KLHL2: variants seen among roughly 807,000 people sequenced by gnomAD.
KLHL2 encodes the protein kelch-like protein 2.
KLHL2 carries 15 observed loss-of-function variants against 75.8 expected under a neutral mutation model. That is an observed-to-expected ratio of 0.20 (90% CI 0.13 to 0.30). The LOEUF is 0.30. Among genes scored for constraint, KLHL2 ranks in the 10% least tolerant of loss-of-function variants. The pLI, the probability that KLHL2 is intolerant of heterozygous loss-of-function variation, is 1.00. For missense variants in KLHL2, 381 were observed against 741.0 expected (o/e 0.51, Z 5.64); for synonymous variants, 214 against 251.9 (o/e 0.85, Z 1.42).
At position 165,294,895 on chromosome 4, in the gene KLHL2, T is replaced by C. The variant is rs1338482814; in HGVS notation, c.654+427T>C. Among the ~76,000 whole-genome samples the C allele has an allele frequency of 2.6e-5, 4 of 152,128 alleles. No homozygotes were observed. The East Asian group carries it at 7.7e-4, about 29-fold the overall frequency. ...TCCTTGTCTTCTGAGTTGAAAGAGGTTACCTAGGATGGCGAAGTTTTGGTA... is the reference window on the plus strand; with the variant it reads ...TCCTTGTCTTCTGAGTTGAAAGAGGCTACCTAGGATGGCGAAGTTTTGGTA... On this transcript the variant is annotated intron_variant, in intron 6 of 14. Transcript: ENST00000226725.
intron 3 of KLHL2, 110 bp downstream of exon 3, chr4:165,229,023 A>G (rs1007438100): frequency 1.9e-5 from 12 of 629,276 alleles, no homozygotes; most frequent in South Asian, 1.8e-4. Flanking sequence ...ATGAAGAATT[A>G]TAGTGGAAGA....
chr4:165,254,256 A>G (rs572048170), intron 4 of KLHL2, among the ~76,000 whole-genome samples: 1 of 152,324 alleles, frequency 6.6e-6, no homozygotes, highest in Admixed American at 6.5e-5. Context: ...CAAATACTTT[A>G]GAAATGTTAG....
In KLHL2 at chr4:165,305,644, A is replaced by G. The variant is rs756368058; in HGVS notation, c.958A>G (p.Ile320Val). 32 of 1,613,944 alleles carry G rather than the reference A, an allele frequency of 2.0e-5. No individual in the cohort carries two copies. The highest frequency in any genetic ancestry group is 2.5e-5 in the Non-Finnish European group (30 of 1,179,958). The part of the protein sequence containing the change: ...VVVGGQAPKA[I>V]RSVECYDFKE... Reference sequence around the variant, plus strand: ...GGTTGGGGGCCAAGCACCAAAGGCTATCCGGAGTGTGGAATGCTATGACTT... The same window carrying G: ...GGTTGGGGGCCAAGCACCAAAGGCTGTCCGGAGTGTGGAATGCTATGACTT... The change falls in exon 9 of 15, where the codon ATC becomes GTC. Residue 320 changes from isoleucine (I) to valine (V), a missense_variant. This residue lies in a region of KLHL2 where 168 missense variants were observed against 370.4 expected (regional missense o/e 0.45). Transcript: ENST00000226725.
At chr4:165,257,619 G>T (rs1741292426) in intron 4 of KLHL2, among the ~76,000 whole-genome samples, 1 of 152,234 alleles carries the variant, frequency 6.6e-6, no homozygotes. Flanking sequence ...AAGATTTGTG[G>T]TAGGCTACAA....
chr4:165,256,449 G>A (rs1372646421), intron 4 of KLHL2, among the ~76,000 whole-genome samples: 4 of 152,130 alleles, frequency 2.6e-5, no homozygotes, highest in Non-Finnish European at 5.9e-5. Flanking sequence ...GAAGAGTAAC[G>A]TGTAGAGCCT....
At chr4:165,255,361 A>G (rs1381918246) in intron 4 of KLHL2, among the ~76,000 whole-genome samples, 2 of 152,190 alleles carry the variant, frequency 1.3e-5, no homozygotes, top group East Asian at 3.9e-4. Context: ...AGCCATTAAT[A>G]TGAGCTAATC....
At chr4:165,292,842 A>G (rs779210382) in intron 5 of KLHL2, among the ~76,000 whole-genome samples, 1 of 152,184 alleles carries the variant, frequency 6.6e-6, no homozygotes, top group Non-Finnish European at 1.5e-5. Flanking sequence ...GTTCATTGTG[A>G]CGACCTAGAA....
Position 165,277,235 on chromosome 4 carries a change from A to T in KLHL2, c.544+13876A>T, listed in dbSNP as rs1344457840. Among the ~76,000 whole-genome samples, 4 of 152,302 alleles carry T rather than the reference A, an allele frequency of 2.6e-5. No individual in the cohort carries two copies. The East Asian group carries it at 7.7e-4, about 29-fold the overall frequency. ...CAGTGTATAAAATATATAGGCATAT[A>T]TGTTATACATACAAAGTAAAAAATA... is the stretch of plus-strand genomic sequence containing the variant. On this transcript the variant is annotated intron_variant, in intron 5 of 14. Coordinates refer to ENST00000226725, the MANE Select transcript of KLHL2 (RefSeq NM_007246.4).
intron 5 of KLHL2, among the ~76,000 whole-genome samples, chr4:165,271,820 T>C (rs1742720317): frequency 6.6e-6 from 1 of 152,232 alleles, no homozygotes; most frequent in African/African-American, 2.4e-5. Context: ...CTGTGTTCAC[T>C]GCTCCTTTAA....
intron 4 of KLHL2, among the ~76,000 whole-genome samples, chr4:165,240,129 T>C (rs1366080467): frequency 6.6e-6 from 1 of 152,214 alleles, no homozygotes; most frequent in Non-Finnish European, 1.5e-5. Context: ...TATTAATTTT[T>C]TGATAGCAAT....
intron 5 of KLHL2, among the ~76,000 whole-genome samples, chr4:165,286,310 A>G (rs1744087850): frequency 6.6e-6 from 1 of 152,194 alleles, no homozygotes; most frequent in African/African-American, 2.4e-5. Context: ...GATCATATTC[A>G]TATGGAGACT....
intron 6 of KLHL2, among the ~76,000 whole-genome samples, chr4:165,295,280 T>G (rs1744824113): frequency 6.6e-6 from 1 of 152,210 alleles, no homozygotes; most frequent in South Asian, 2.1e-4. Context: ...TTGTGTAAAT[T>G]CTGATTCTCT....
At chr4:165,252,857 C>G (rs1316760822) in intron 4 of KLHL2, among the ~76,000 whole-genome samples, 1 of 152,030 alleles carries the variant, frequency 6.6e-6, no homozygotes, top group Non-Finnish European at 1.5e-5. Context: ...TGTCCGTTGA[C>G]CTCTGGTTAA....
intron 5 of KLHL2, among the ~76,000 whole-genome samples, chr4:165,282,343 G>T (rs1743756519): frequency 6.6e-6 from 1 of 152,198 alleles, no homozygotes; most frequent in African/African-American, 2.4e-5. Context: ...TGAAACGGAA[G>T]AATTTTTCAC....
chr4:165,311,630 A>T (rs763964018), intron 11 of KLHL2, 65 bp downstream of exon 11: 6 of 1,138,808 alleles, frequency 5.3e-6, no homozygotes, highest in Non-Finnish European at 7.8e-6. Flanking sequence ...TTCTTCCAGT[A>T]ATCTCAACTT....
At chr4:165,311,803 T>TTC (rs538062188) in intron 11 of KLHL2, among the ~76,000 whole-genome samples, 41 of 109,974 alleles carry the variant, frequency 3.7e-4, no homozygotes, top group African/African-American at 1.0e-3. Flanking sequence ...CCCTCCTCCT[T>TTC]TCTCTCTGTG....
intron 4 of KLHL2, among the ~76,000 whole-genome samples, chr4:165,246,688 G>T (rs1740292812): frequency 6.6e-6 from 1 of 152,228 alleles, no homozygotes; most frequent in Non-Finnish European, 1.5e-5. Flanking sequence ...TGTTGTCTGA[G>T]ATGGTGAAGA....
chr4:165,261,500 C>T (rs1741671312), intron 4 of KLHL2, among the ~76,000 whole-genome samples: 1 of 152,032 alleles, frequency 6.6e-6, no homozygotes, highest in Non-Finnish European at 1.5e-5. Flanking sequence ...GCCACTACAC[C>T]CAGCTAATTT....
Position 165,220,024 on chromosome 4 carries a change from G to A in KLHL2, c.117G>A (p.Met39Ile). 1 of 1,611,418 alleles carries A rather than the reference G, an allele frequency of 6.2e-7. No homozygotes were observed. The highest frequency in any genetic ancestry group is 1.3e-5 in the African/African-American group (1 of 74,866). The part of the protein sequence containing the change: ...HCPVTVNPWH[M>I]KKAFKVMNEL... ...CAGTGACAGTGAATCCTTGGCATAT[G>A]AAGAAAGCTTTCAAAGTCATGAACG... is the stretch of plus-strand genomic sequence containing the variant. Residue 39 changes from methionine (M) to isoleucine (I), a missense_variant, in exon 2 of 15, where the codon ATG becomes ATA. Met to Ile is a conservative substitution (Grantham distance 10). Coordinates refer to ENST00000226725, the MANE Select transcript of KLHL2 (RefSeq NM_007246.4).
Sources: gnomAD v4.1 joint callset for allele counts (sites outside exome capture counted in the v4.1 genomes callset) on GRCh38, gnomAD v4.1.1 for gene constraint, gnomAD v4.1.1 regional missense constraint, MANE v1.5 for transcripts, NCBI Gene and HGNC (gene_info 2026-07-23, HGNC 2026-07-21) for gene names.